Variants in C9orf72 observed in about 807,000 individuals in gnomAD.
C9orf72 encodes C9orf72-SMCR8 complex subunit.
C9orf72 carries 44 observed loss-of-function variants against 51.6 expected under a neutral mutation model. That is an observed-to-expected ratio of 0.85 (90% CI 0.67 to 1.10). The LOEUF (loss-of-function observed/expected upper bound fraction) is 1.10, where lower values mean the gene tolerates loss of function less well. Ranked by LOEUF, C9orf72 falls within the 50% of genes least tolerant of loss-of-function variation. The pLI is 0.00. For synonymous variants in C9orf72, 213 were observed against 194.2 expected, an observed-to-expected ratio of 1.10 and a Z score of -0.81; for missense variants, 607 against 570.6, an observed-to-expected ratio of 1.06 and a Z score of -0.65.
At chr9:27,557,867 G>A (rs1819241606) in intron 7 of C9orf72, among the ~76,000 whole-genome samples, 2 of 151,788 alleles carry the variant, frequency 1.3e-5, no homozygotes, top group Admixed American at 6.6e-5. Flanking sequence ...TAGTCACTAT[G>A]AGACAATCAC....
chr9:27,568,600 T>C (rs949539775), intron 1 of C9orf72, among the ~76,000 whole-genome samples: 40 of 152,354 alleles, frequency 2.6e-4, no homozygotes, highest in Middle Eastern at 3.4e-3. Flanking sequence ...TTTCAGTCAA[T>C]GGTAGACTGC....
In C9orf72 at chr9:27,570,874, A is replaced by AC. The variant is rs1819572010; in HGVS notation, c.-45+2556_-45+2557insG. On this transcript the variant is annotated intron_variant, in intron 1 of 10. Transcript: ENST00000380003. ...ACAGAGAGAGACTCTGCCTCAAGAAAAAAACAAACAAACAAACAAACAAAA... is the reference window on the plus strand; with the variant it reads ...ACAGAGAGAGACTCTGCCTCAAGAAACAAAACAAACAAACAAACAAACAAAA... 4.1e-5 allele frequency among the ~76,000 whole-genome samples: 6 copies of AC among 146,212 alleles called. No homozygotes were observed. The South Asian group carries it at 8.6e-4, about 21-fold the overall frequency.
Position 27,550,849 on chromosome 9 carries a change from A to G in C9orf72, c.1092-142T>C, listed in dbSNP as rs1820891860. 18 of 502,520 alleles carry G rather than the reference A, an allele frequency of 3.6e-5. 1 individual carries two copies. The South Asian group carries it at 5.4e-4, about 15-fold the overall frequency. 31.1% of individuals were successfully genotyped at this position (502,520 alleles called of 1,614,324 possible). A position where few individuals can be genotyped will look rare whatever the true frequency, so the allele number is the denominator to read the frequency against. On this transcript the variant is annotated intron_variant, in intron 8 of 10. Transcript: ENST00000380003. ...ATTACATATAAACACATTTGTAAGA[A>G]TATAGATATATATATTTGGAGACAC... is the stretch of plus-strand genomic sequence containing the variant.
chr9:27,553,313 A>G (rs1820945969), intron 8 of C9orf72, among the ~76,000 whole-genome samples: 1 of 152,226 alleles, frequency 6.6e-6, no homozygotes, highest in Non-Finnish European at 1.5e-5. Context: ...AGCCGATTTT[A>G]TACTAAAAGG....
chr9:27,550,707 C>A lies in C9orf72; in HGVS notation c.1092G>T (p.Leu364Phe). The A allele has an allele frequency of 6.4e-7, 1 of 1,563,314 alleles. No individual in the cohort carries two copies. The highest frequency in any genetic ancestry group is 8.7e-7 in the Non-Finnish European group (1 of 1,146,468). ...IYTDESFTPD[L>F]NIFQDVLHRD... ...TGTGTAAGACATCTTGAAAAATATT[C>A]CTGAAGAAAAGAAGAAAATGAAGAA... is the stretch of plus-strand genomic sequence containing the variant. Residue 364 changes from leucine (L) to phenylalanine (F), a missense_variant and splice_region_variant, in exon 9 of 11, where the codon TTG (leucine) becomes TTT (phenylalanine). Transcript: ENST00000380003.
chr9:27,555,130 G>A (rs900938462), intron 8 of C9orf72, among the ~76,000 whole-genome samples: 5 of 152,116 alleles, frequency 3.3e-5, no homozygotes, highest in African/African-American at 1.2e-4. Flanking sequence ...AATGTTTCAA[G>A]GCACAGATTA....
At chr9:27,555,482 G>A (rs1211464968) in intron 8 of C9orf72, among the ~76,000 whole-genome samples, 1 of 151,120 alleles carries the variant, frequency 6.6e-6, no homozygotes, top group Non-Finnish European at 1.5e-5. Flanking sequence ...TTTTTCTATT[G>A]CCTTACACAC....
chr9:27,573,777 G>C (rs750403732), upstream of C9orf72: 1 of 152,320 alleles, frequency 6.6e-6, no homozygotes, highest in Admixed American at 6.5e-5. Flanking sequence ...AGCAGGGACG[G>C]CTGACACACC....
At chr9:27,570,477 A>G (rs978183714) in intron 1 of C9orf72, among the ~76,000 whole-genome samples, 1 of 152,218 alleles carries the variant, frequency 6.6e-6, no homozygotes, top group Non-Finnish European at 1.5e-5. Context: ...TGAACCCTGG[A>G]GCAAAATCTG....
intron 9 of C9orf72, among the ~76,000 whole-genome samples, chr9:27,550,114 CT>C (rs138783526): frequency 1.5e-3 from 227 of 149,552 alleles, no homozygotes; most frequent in Non-Finnish European, 2.4e-3. Flanking sequence ...AAGTTTATAA[CT>C]TTTTTTTAAT....
chr9:27,558,847 C>T, intron 6 of C9orf72: 1 of 364,154 alleles, frequency 2.7e-6, no homozygotes, highest in Non-Finnish European at 5.0e-6. Flanking sequence ...AAACCTTTAA[C>T]ATTTGGCTAC....
chr9:27,572,956 C>A (rs1201746732), intron 1 of C9orf72, among the ~76,000 whole-genome samples: 1 of 152,302 alleles, frequency 6.6e-6, no homozygotes, highest in East Asian at 1.9e-4. Context: ...GTCTCCACAC[C>A]CCCATCTCAT....
chr9:27,571,960 T>C (rs1819595727), intron 1 of C9orf72, among the ~76,000 whole-genome samples: 1 of 152,198 alleles, frequency 6.6e-6, no homozygotes, highest in East Asian at 1.9e-4. Flanking sequence ...TATCTGGCCA[T>C]TTCTCACAGT....
In C9orf72 at chr9:27,548,114, C is replaced by T. The variant is rs549202876; in HGVS notation, c.*122G>A. 150 of 649,284 alleles carry T rather than the reference C, an allele frequency of 2.3e-4. No individual in the cohort carries two copies. Among genetic ancestry groups the T allele is most frequent in the Middle Eastern group, 1.3e-3 (3 of 2,354 alleles). 40.2% of individuals were successfully genotyped at this position (649,284 alleles called of 1,614,324 possible). A position where few individuals can be genotyped will look rare whatever the true frequency, so the allele number is the denominator to read the frequency against. Reference sequence around the variant, plus strand: ...CTTGTGAGAACTGTAGTGTAACTTACTTAACTGCAATTGCTGAGAGCAGAA... The same window carrying T: ...CTTGTGAGAACTGTAGTGTAACTTATTTAACTGCAATTGCTGAGAGCAGAA... On this transcript the variant is annotated 3_prime_UTR_variant, in exon 11 of 11. Coordinates refer to ENST00000380003, the MANE Select transcript of C9orf72 (RefSeq NM_018325.5).
Position 27,558,526 on chromosome 9 carries a change from A to G in C9orf72, c.820T>C (p.Tyr274His). The change falls in exon 7 of 11, where the codon TAT (tyrosine) becomes CAT (histidine). Residue 274 changes from tyrosine to histidine, a missense_variant. Coordinates refer to ENST00000380003, the MANE Select transcript of C9orf72 (RefSeq NM_018325.5). ...RLCEAESSFK[Y>H]ESGLFVQGLL... is the part of the protein sequence containing the mutation. ...CCTTGTACAAAGAGCCCTGACTCAT[A>G]TTTAAATGATGATTCTGCTTCACAT... 6.2e-7 allele frequency: 1 copy of G among 1,607,074 alleles called. No homozygotes were observed. The highest frequency in any genetic ancestry group is 8.5e-7 in the Non-Finnish European group (1 of 1,176,658).
At chr9:27,572,312 G>A (rs1462637182) in intron 1 of C9orf72, among the ~76,000 whole-genome samples, 1 of 152,176 alleles carries the variant, frequency 6.6e-6, no homozygotes, top group Non-Finnish European at 1.5e-5. Context: ...CAGAGGTGGT[G>A]ACAACAATGC....
chr9:27,571,850 A>T (rs910159188), intron 1 of C9orf72, among the ~76,000 whole-genome samples: 1 of 152,224 alleles, frequency 6.6e-6, no homozygotes, highest in Non-Finnish European at 1.5e-5. Context: ...GCTGCCCAGG[A>T]CCACTTCAAG....
chr9:27,553,784 T>A (rs1820955927), intron 8 of C9orf72, among the ~76,000 whole-genome samples: 1 of 152,070 alleles, frequency 6.6e-6, no homozygotes, highest in South Asian at 2.1e-4. Flanking sequence ...GAGAAAAATA[T>A]CTGCAAACCA....
At chr9:27,552,280 G>A (rs1176136479) in intron 8 of C9orf72, among the ~76,000 whole-genome samples, 1 of 151,986 alleles carries the variant, frequency 6.6e-6, no homozygotes, top group African/African-American at 2.4e-5. Flanking sequence ...ATTGGCTATG[G>A]GTCTGTCATA....
Sources: allele counts gnomAD v4.1 joint callset (sites outside exome capture counted in the v4.1 genomes callset), GRCh38; gene constraint gnomAD v4.1.1; transcripts MANE v1.5; gene names NCBI Gene and HGNC (gene_info 2026-07-23, HGNC 2026-07-21).